Variants in DPP10 observed in about 807,000 individuals in gnomAD.
The protein encoded by DPP10 is inactive dipeptidyl peptidase 10.
Under a neutral mutation model 120.9 loss-of-function variants are expected in DPP10, and 33 were observed. The ratio of observed to expected loss-of-function variants is 0.27; its 90% confidence interval spans 0.21 to 0.37. The LOEUF (loss-of-function observed/expected upper bound fraction) is 0.37. DPP10 is among the 10% of genes least tolerant of loss of function. DPP10 has a pLI of 1.00. For synonymous variants in DPP10, 337 were observed against 326.1 expected (o/e 1.03, Z -0.36); for missense variants, 816 against 942.8 (o/e 0.87, Z 1.76).
At chr2:115,475,546 T>C (rs967367848) in intron 3 of DPP10, among the ~76,000 whole-genome samples, 1 of 152,026 alleles carries the variant, frequency 6.6e-6, no homozygotes, top group South Asian at 2.1e-4. Context: ...CCACACAGAA[T>C]CCCCAGTGGA....
intron 1 of DPP10, among the ~76,000 whole-genome samples, chr2:115,251,200 A>G (rs2058735983): frequency 6.6e-6 from 1 of 152,204 alleles, no homozygotes; most frequent in African/African-American, 2.4e-5. Context: ...TCCAATTTAC[A>G]ACGGCTTCTC....
intron 3 of DPP10, among the ~76,000 whole-genome samples, chr2:115,388,327 G>A (rs1052757461): frequency 5.9e-5 from 9 of 152,130 alleles, no homozygotes; most frequent in Admixed American, 6.5e-5. Context: ...TTTATTCTAC[G>A]CGTGCTGAGA....
In DPP10 at chr2:115,711,915, G is replaced by GTTTTTTTTTTTTTTTTTTTTTT. The variant is rs1491280011; in HGVS notation, c.577-15901_577-15900insTTTTTTTTTTTTTTTTTTTTTT. Among the ~76,000 whole-genome samples, 35 of 96,986 alleles carry GTTTTTTTTTTTTTTTTTTTTTT rather than the reference G, an allele frequency of 3.6e-4. 14 individuals carry two copies. The highest frequency in any genetic ancestry group is 2.8e-4 in the Non-Finnish European group (14 of 50,822). 63.6% of individuals were successfully genotyped at this position (96,986 alleles called of 152,430 possible). A position where few individuals can be genotyped will look rare whatever the true frequency, so the allele number is the denominator to read the frequency against. On this transcript the variant is annotated intron_variant, in intron 7 of 25. Coordinates refer to ENST00000410059, the MANE Select transcript of DPP10 (RefSeq NM_020868.6). Reference sequence around the variant, plus strand: ...GAATATTGGACCTATAAAATGGTCTGGTTTTTTTTTTTTTTTTTTTTTTGG... The same window carrying GTTTTTTTTTTTTTTTTTTTTTT: ...GAATATTGGACCTATAAAATGGTCTGTTTTTTTTTTTTTTTTTTTTTTGTTTTTTTTTTTTTTTTTTTTTTGG...
chr2:115,234,362 C>A (rs1019758181), intron 1 of DPP10: 2 of 166,982 alleles, frequency 1.2e-5, no homozygotes, highest in Non-Finnish European at 2.6e-5. Flanking sequence ...GATTAGATAA[C>A]CTTAACCTTT....
chr2:115,734,875 A>C (rs555786055), intron 8 of DPP10, among the ~76,000 whole-genome samples: 1 of 152,238 alleles, frequency 6.6e-6, no homozygotes, highest in African/African-American at 2.4e-5. Context: ...TAATTCAAGG[A>C]GTTTAAGCTA....
chr2:115,317,632 C>CTTT (rs148408128), intron 2 of DPP10, among the ~76,000 whole-genome samples: 2 of 133,314 alleles, frequency 1.5e-5, no homozygotes, highest in African/African-American at 2.7e-5. Flanking sequence ...TTGTTCTTTT[C>CTTT]TTTTTTTTTT....
chr2:115,395,278 G>A (rs1244113143), intron 3 of DPP10, among the ~76,000 whole-genome samples: 4 of 152,230 alleles, frequency 2.6e-5, no homozygotes, highest in East Asian at 3.9e-4. Flanking sequence ...CTCTTTTTAC[G>A]TGTATAAATT....
At chr2:114,816,960 A>T (rs1011052194) in intron 1 of DPP10, among the ~76,000 whole-genome samples, 1 of 152,208 alleles carries the variant, frequency 6.6e-6, no homozygotes, top group African/African-American at 2.4e-5. Flanking sequence ...TGCGCATGAT[A>T]TAGACTGTTA....
chr2:114,497,477 T>G (rs1301740093), intron 1 of DPP10, among the ~76,000 whole-genome samples: 1 of 141,088 alleles, frequency 7.1e-6, no homozygotes, highest in African/African-American at 3.1e-5. Flanking sequence ...CATCTAAGAA[T>G]AGGGTCAGTG....
chr2:115,017,532 T>A lies in DPP10; in HGVS notation c.61-291707T>A, dbSNP rs1216836119. Among the ~76,000 whole-genome samples the A allele has an allele frequency of 5.3e-5, 8 of 152,266 alleles. No individual in the cohort carries two copies. The South Asian group carries it at 1.7e-3, about 32-fold the overall frequency. On this transcript the variant is annotated intron_variant, in intron 1 of 25. Coordinates refer to ENST00000410059, the MANE Select transcript of DPP10 (RefSeq NM_020868.6). ...ATACCCAAAGGATTATAAATCATGC[T>A]GCTATAAAGACACATGCATGCATAT...
intron 5 of DPP10, among the ~76,000 whole-genome samples, chr2:115,631,723 G>A (rs2085888075): frequency 6.6e-6 from 1 of 152,154 alleles, no homozygotes; most frequent in African/African-American, 2.4e-5. Flanking sequence ...GTGTGCTTTT[G>A]AGTGAGTTTC....
chr2:115,725,083 C>A (rs142342298), intron 7 of DPP10, among the ~76,000 whole-genome samples: 4 of 152,044 alleles, frequency 2.6e-5, no homozygotes, highest in Admixed American at 1.3e-4. Context: ...CCATATCAGG[C>A]GACTCACTGA....
At chr2:115,342,569 G>T (rs2063503479) in intron 2 of DPP10, among the ~76,000 whole-genome samples, 1 of 152,116 alleles carries the variant, frequency 6.6e-6, no homozygotes, top group Non-Finnish European at 1.5e-5. Flanking sequence ...GCAGGACAGA[G>T]ATATGTCTCC....
intron 1 of DPP10, among the ~76,000 whole-genome samples, chr2:114,803,696 C>T (rs972045289): frequency 6.6e-6 from 1 of 152,182 alleles, no homozygotes; most frequent in African/African-American, 2.4e-5. Flanking sequence ...TTTAGGGCAT[C>T]TGGCTGAAGA....
intron 1 of DPP10, among the ~76,000 whole-genome samples, chr2:115,085,282 T>C (rs1708598345): frequency 6.6e-6 from 1 of 152,212 alleles, no homozygotes; most frequent in African/African-American, 2.4e-5. Flanking sequence ...CTTTTTCTTC[T>C]TTCTGTCCCA....
chr2:114,705,906 C>T (rs1001559530), intron 1 of DPP10, among the ~76,000 whole-genome samples: 4 of 152,176 alleles, frequency 2.6e-5, no homozygotes, highest in African/African-American at 4.8e-5. Flanking sequence ...CATGTATCAG[C>T]TTCATCCTAA....
intron 5 of DPP10, among the ~76,000 whole-genome samples, chr2:115,686,665 T>C (rs1423139478): frequency 6.6e-6 from 1 of 152,074 alleles, no homozygotes; most frequent in Non-Finnish European, 1.5e-5. Context: ...TGATGTTTTC[T>C]GAGTCTCCTA....
intron 5 of DPP10, among the ~76,000 whole-genome samples, chr2:115,632,240 C>G (rs1437980332): frequency 2.0e-5 from 3 of 152,108 alleles, no homozygotes; most frequent in Non-Finnish European, 4.4e-5. Context: ...GCAACCCTTG[C>G]TATATTCTGC....
intron 1 of DPP10, among the ~76,000 whole-genome samples, chr2:115,240,009 A>G (rs183378888): frequency 9.2e-5 from 14 of 152,166 alleles, no homozygotes; most frequent in South Asian, 6.2e-4. Flanking sequence ...TCATTGATGG[A>G]CATTAGAGTT....
Sources: allele counts gnomAD v4.1 joint callset (sites outside exome capture counted in the v4.1 genomes callset), GRCh38; gene constraint gnomAD v4.1.1; transcripts MANE v1.5; gene names NCBI Gene and HGNC (gene_info 2026-07-23, HGNC 2026-07-21).